The following DARS2 variants were observed in gnomAD, a reference collection of about 807,000 sequenced individuals.
DARS2 encodes the protein aspartyl-tRNA synthetase 2, mitochondrial, also known as aspartate--tRNA ligase, mitochondrial.
A neutral mutation model predicts 83.0 loss-of-function variants in DARS2; 63 were observed. The ratio of observed to expected loss-of-function variants is 0.76; its 90% CI spans 0.62 to 0.94. The LOEUF (loss-of-function observed/expected upper bound fraction) is 0.94. Ranked by LOEUF, DARS2 falls within the 40% of genes least tolerant of loss-of-function variation. DARS2 has a pLI of 0.00. For synonymous variants in DARS2, 250 were observed against 269.3 expected (o/e 0.93, Z 0.70); for missense variants, 675 against 774.4 (o/e 0.87, Z 1.52).
intron 5 of DARS2, among the ~76,000 whole-genome samples, chr1:173,832,896 C>A (rs564233562): frequency 6.6e-6 from 1 of 151,970 alleles, no homozygotes; most frequent in South Asian, 2.1e-4. Context: ...GGTGAATCTT[C>A]TACTCTGATG....
chr1:173,827,457 G>A (rs968088804), intron 2 of DARS2, among the ~76,000 whole-genome samples: 1 of 152,102 alleles, frequency 6.6e-6, no homozygotes, highest in African/African-American at 2.4e-5. Flanking sequence ...ATGAAACCCC[G>A]TCTCTACTAA....
At chr1:173,835,945 TAC>T (rs1183681536) in intron 7 of DARS2, among the ~76,000 whole-genome samples, 3 of 151,760 alleles carry the variant, frequency 2.0e-5, no homozygotes, top group Non-Finnish European at 4.4e-5. Flanking sequence ...TAGTCCCAGC[TAC>T]TCAGGAGGCT....
At chr1:173,855,011 G>A (rs1342554227) in intron 15 of DARS2, among the ~76,000 whole-genome samples, 1 of 152,122 alleles carries the variant, frequency 6.6e-6, no homozygotes, top group Admixed American at 6.5e-5. Flanking sequence ...CAAGTGTGAG[G>A]TAGGATGGAA....
chr1:173,856,716 AC>A lies in DARS2; in HGVS notation c.1730del (p.Pro577LeufsTer7). 1 of 1,613,870 alleles carries A rather than the reference AC, an allele frequency of 6.2e-7. No homozygotes were observed. The highest frequency in any genetic ancestry group is 1.3e-5 in the African/African-American group (1 of 74,990). On this transcript the variant is annotated frameshift_variant, in exon 16 of 17. Transcript: ENST00000649689. LOFTEE classifies it high-confidence loss of function. Reference sequence around the variant, plus strand: ...TGCTCCAGGCTTTAGATTATGGGGCACCCCCTCATGGAGGAATTGCCTTAGG... The same window carrying A: ...TGCTCCAGGCTTTAGATTATGGGGCACCCCTCATGGAGGAATTGCCTTAGG... ...HLLQALDYGA[P>X]PHGGIALGLD... is the part of the protein sequence containing the mutation.
In DARS2 at chr1:173,840,963, C is replaced by A. The variant is rs369412405; in HGVS notation, c.1118C>A (p.Pro373His). Residue 373 changes from proline (P) to histidine (H), a missense_variant, in exon 11 of 17, where the codon CCT (proline) becomes CAT (histidine). Physicochemically the swap from Pro to His is moderately conservative, Grantham distance 77. Coordinates refer to ENST00000649689, the MANE Select transcript of DARS2 (RefSeq NM_018122.5). ...PHGTVKAICI[P>H]EGAKYLKRKD... ...GGAACTGTGAAAGCCATATGTATCC[C>A]TGAAGGAGCAGTAAGTGAAGTACAG... 1.1e-5 allele frequency: 18 copies of A among 1,592,594 alleles called. No homozygotes were observed. In the African/African-American group the frequency reaches 2.1e-4, roughly 19 times the overall value.
At chr1:173,833,603 C>T (rs1424685409) in intron 6 of DARS2, 104 bp downstream of exon 6, 1 of 1,423,614 alleles carries the variant, frequency 7.0e-7, no homozygotes. Context: ...AAGATGTTGC[C>T]AGAAGTCTGG....
In DARS2 at chr1:173,839,456, T is replaced by C; in HGVS notation, c.930T>C (p.Asp310=). The C allele has an allele frequency of 6.2e-7, 1 of 1,614,126 alleles. No individual in the cohort carries two copies. Among genetic ancestry groups the C allele is most frequent in the Non-Finnish European group, 8.5e-7 (1 of 1,180,014 alleles). The change falls in exon 10 of 17, where the codon GAT becomes GAC. Residue 310 remains aspartate, a synonymous_variant. Coordinates refer to ENST00000649689, the MANE Select transcript of DARS2 (RefSeq NM_018122.5). The stretch of plus-strand genomic sequence containing the variant: ...AGTATTCCTGGCCCAATGACAAAGA[T>C]CCTGTGGTTGTTCCTTTTCCTACTA... ...LLQYSWPNDK[D]PVVVPFPTMT...
rs2102635560 is a variant in DARS2 at position 173,828,004 on chromosome 1, G to A, written c.228-329G>A. Among the ~76,000 whole-genome samples the A allele has an allele frequency of 1.3e-5, 2 of 152,146 alleles. 1 individual carries two copies. The highest frequency in any genetic ancestry group is 4.1e-4 in the South Asian group (2 of 4,820). On this transcript the variant is annotated intron_variant, in intron 2 of 16. Transcript: ENST00000649689. Reference sequence around the variant, plus strand: ...TTTTCTTAAAAGGACTTAAGCCAATGAAATTTCTTTTAATTGTTCATCTAT... The same window carrying A: ...TTTTCTTAAAAGGACTTAAGCCAATAAAATTTCTTTTAATTGTTCATCTAT...
rs757196489 is a variant in DARS2 at position 173,830,662 on chromosome 1, G to A, written c.297G>A (p.Ser99=). 3.1e-6 allele frequency: 5 copies of A among 1,612,934 alleles called. No individual in the cohort carries two copies. The highest frequency in any genetic ancestry group is 2.2e-5 in the East Asian group (1 of 44,870). Residue 99 remains serine, a splice_region_variant and synonymous_variant, in exon 4 of 17, where the codon TCG becomes TCA. Transcript: ENST00000649689. The part of the protein sequence containing the change: ...LVQVIIPQDE[S]AASVKKILCE... ...CTCTTTTCCCCCTTGTTCTGTAGTCGGCAGCCTCTGTGAAGAAGATTTTAT... is the reference window on the plus strand; with the variant it reads ...CTCTTTTCCCCCTTGTTCTGTAGTCAGCAGCCTCTGTGAAGAAGATTTTAT...
chr1:173,845,322 T>G (rs1481644820), intron 12 of DARS2, 31 bp downstream of exon 12: 2 of 1,458,534 alleles, frequency 1.4e-6, no homozygotes, highest in Non-Finnish European at 1.9e-6. Context: ...GTTTTTTTCC[T>G]TATACAGATT....
At chr1:173,850,592 G>A in intron 13 of DARS2, 113 bp downstream of exon 13, 1 of 1,135,980 alleles carries the variant, frequency 8.8e-7, no homozygotes, top group Non-Finnish European at 1.2e-6. Context: ...AAATGGAGCT[G>A]CTCTGCATAA....
chr1:173,851,670 A>G (rs1054716255), intron 13 of DARS2, among the ~76,000 whole-genome samples: 2 of 152,224 alleles, frequency 1.3e-5, no homozygotes, highest in African/African-American at 4.8e-5. Flanking sequence ...GTATAGTACA[A>G]AGTCAAATAT....
rs574319538 is a variant in DARS2, at chr1:173,849,531, C to CAAAA, written c.1192-782_1192-779dup. Among the ~76,000 whole-genome samples the CAAAA allele has an allele frequency of 2.6e-4, 19 of 73,922 alleles. 1 individual carries two copies. Among genetic ancestry groups the CAAAA allele is most frequent in the African/African-American group, 6.9e-4 (17 of 24,534 alleles). The allele number at this position is 73,922 out of a possible 152,430, so 48.5% of individuals were successfully genotyped here. A position where few individuals can be genotyped will look rare whatever the true frequency, so the allele number is the denominator to read the frequency against. On this transcript the variant is annotated intron_variant, in intron 12 of 16. Transcript: ENST00000649689. ...TGGGTGACAGAGCGAGACTCCATCT[C>CAAAA]AAAAAAAAAAAAAAAAAGCTGGTTG...
At chr1:173,834,724 G>GTTTTTTTTTTTTT (rs1203102003) in intron 7 of DARS2, among the ~76,000 whole-genome samples, 4 of 14,766 alleles carry the variant, frequency 2.7e-4, no homozygotes, top group African/African-American at 5.1e-4. Flanking sequence ...TTTCCTTTGA[G>GTTTTTTTTTTTTT]TTTTTTTGTT....
chr1:173,825,761 G>A (rs1473727525), intron 1 of DARS2, among the ~76,000 whole-genome samples: 1 of 150,278 alleles, frequency 6.7e-6, no homozygotes, highest in Admixed American at 6.6e-5. Flanking sequence ...GAGCCACCGC[G>A]CCCGGCTTTT....
At chr1:173,850,658 T>G (rs1367610318) in intron 13 of DARS2, among the ~76,000 whole-genome samples, 179 bp downstream of exon 13, 2 of 150,440 alleles carry the variant, frequency 1.3e-5, no homozygotes, top group Admixed American at 6.7e-5. Flanking sequence ...CAGGTTGGAG[T>G]GCAGTGGTGC....
rs748577086 is a variant in DARS2, at chr1:173,831,525, A to C, written c.397-10A>C. 1 of 1,603,264 alleles carries C rather than the reference A, an allele frequency of 6.2e-7. No individual in the cohort carries two copies. The highest frequency in any genetic ancestry group is 1.7e-5 in the Admixed American group (1 of 59,984). Reference sequence around the variant, plus strand: ...GTAATTTTTAAAACCCTTCCTTCTCACTCTCCAAGAAAATGCCAACAGGTG... The same window carrying C: ...GTAATTTTTAAAACCCTTCCTTCTCCCTCTCCAAGAAAATGCCAACAGGTG... On this transcript the variant is annotated splice_polypyrimidine_tract_variant and intron_variant, in intron 4 of 16. Transcript: ENST00000649689.
At chr1:173,856,490 A>G (rs1352536999) in intron 15 of DARS2, among the ~76,000 whole-genome samples, 176 bp from the exon 16 acceptor site, 1 of 152,204 alleles carries the variant, frequency 6.6e-6, no homozygotes, top group Non-Finnish European at 1.5e-5. Context: ...ACTAACCTGC[A>G]AATCACTTAA....
intron 10 of DARS2, among the ~76,000 whole-genome samples, chr1:173,840,460 G>C (rs778730611): frequency 6.6e-6 from 1 of 152,134 alleles, no homozygotes; most frequent in Non-Finnish European, 1.5e-5. Context: ...CTGACCTCCT[G>C]ACCTCAGGTG....
Sources: gnomAD v4.1 joint callset for allele counts (sites outside exome capture counted in the v4.1 genomes callset) on GRCh38, gnomAD v4.1.1 for gene constraint, MANE v1.5 for transcripts, NCBI Gene and HGNC (gene_info 2026-07-23, HGNC 2026-07-21) for gene names.